The following DPP6 variants were observed in gnomAD, a reference collection of about 807,000 sequenced individuals.
The protein encoded by DPP6 is dipeptidyl peptidase like 6.
A neutral mutation model predicts 122.6 loss-of-function variants in DPP6; 69 were observed. The ratio of observed to expected loss-of-function variants is 0.56; its 90% CI spans 0.46 to 0.69. The LOEUF is 0.69. Among genes scored for constraint, DPP6 ranks in the 30% least tolerant of loss-of-function variants. The pLI, the probability that DPP6 is intolerant of heterozygous loss-of-function variation, is 0.00. For synonymous variants in DPP6, 418 were observed against 433.1 expected (o/e 0.97, Z 0.43); for missense variants, 928 against 1,116.9 (o/e 0.83, Z 2.41).
chr7:153,854,424 G>A, the DPP6 span, among the ~76,000 whole-genome samples: 13 of 151,032 alleles, frequency 8.6e-5, no homozygotes, highest in Admixed American at 2.6e-4. Context: ...AAAAGTGGGC[G>A]AAGGACATGA....
intron 1 of DPP6, among the ~76,000 whole-genome samples, chr7:154,218,346 G>A (rs969477998): frequency 6.6e-6 from 1 of 152,154 alleles, no homozygotes; most frequent in Non-Finnish European, 1.5e-5. Flanking sequence ...AAGATGTGAA[G>A]GGGCAGCTTA....
At chr7:154,430,961 T>G (rs1377297547) in intron 1 of DPP6, among the ~76,000 whole-genome samples, 2 of 152,212 alleles carry the variant, frequency 1.3e-5, no homozygotes, top group African/African-American at 4.8e-5. Flanking sequence ...AAAATGTCAC[T>G]AGGCTCCACG....
chr7:154,016,018 G>C (rs916943565), intron 1 of DPP6, among the ~76,000 whole-genome samples: 3 of 152,062 alleles, frequency 2.0e-5, no homozygotes, highest in African/African-American at 7.2e-5. Flanking sequence ...TGGCCATATC[G>C]GCCCACGTTC....
At chr7:154,651,833 C>T (rs892275663) in intron 6 of DPP6, among the ~76,000 whole-genome samples, 1 of 152,114 alleles carries the variant, frequency 6.6e-6, no homozygotes, top group Non-Finnish European at 1.5e-5. Context: ...GCGGTCTGTG[C>T]CCCCACAGCC....
chr7:153,961,563 G>A (rs1319873826), intron 1 of DPP6, among the ~76,000 whole-genome samples: 11 of 151,270 alleles, frequency 7.3e-5, no homozygotes, highest in African/African-American at 2.4e-4. Context: ...GGACCGGGGA[G>A]TGGGGTGGGG....
intron 8 of DPP6, among the ~76,000 whole-genome samples, chr7:154,759,347 A>G (rs768159216): frequency 1.3e-5 from 2 of 152,176 alleles, no homozygotes; most frequent in Non-Finnish European, 2.9e-5. Flanking sequence ...TAGGGAAGGG[A>G]GAAGGAGGGT....
chr7:153,972,535 C>T (rs1258400878), intron 1 of DPP6, among the ~76,000 whole-genome samples: 1 of 149,922 alleles, frequency 6.7e-6, no homozygotes, highest in African/African-American at 2.5e-5. Flanking sequence ...GCAATTTAGG[C>T]AGCATGCTCT....
intron 1 of DPP6, among the ~76,000 whole-genome samples, chr7:154,213,255 G>C (rs542229763): frequency 6.6e-6 from 1 of 152,186 alleles, no homozygotes; most frequent in Non-Finnish European, 1.5e-5. Context: ...GGGGAAGAGA[G>C]TTTGCAAGTA....
At chr7:154,364,792 G>T (rs1812015790) in intron 1 of DPP6, among the ~76,000 whole-genome samples, 1 of 152,136 alleles carries the variant, frequency 6.6e-6, no homozygotes, top group African/African-American at 2.4e-5. Flanking sequence ...CTTAACTTTT[G>T]CATTGGATGA....
the DPP6 span, among the ~76,000 whole-genome samples, chr7:153,770,608 C>A: frequency 2.6e-5 from 4 of 152,104 alleles, no homozygotes; most frequent in Admixed American, 2.6e-4. Context: ...AGATGTTCAG[C>A]TATCAACAAA....
At chr7:154,135,947 T>C (rs1487060683) in intron 1 of DPP6, among the ~76,000 whole-genome samples, 1 of 151,168 alleles carries the variant, frequency 6.6e-6, no homozygotes, top group African/African-American at 2.5e-5. Flanking sequence ...GCACTTCCTG[T>C]GAGCACACAC....
chr7:154,298,616 C>G (rs1328030041), intron 1 of DPP6, among the ~76,000 whole-genome samples: 1 of 152,166 alleles, frequency 6.6e-6, no homozygotes, highest in African/African-American at 2.4e-5. Flanking sequence ...AAGAAAAAAT[C>G]ATTGCATCCT....
At chr7:154,667,020 A>G (rs1015623893) in intron 6 of DPP6, among the ~76,000 whole-genome samples, 2 of 152,080 alleles carry the variant, frequency 1.3e-5, no homozygotes, top group Non-Finnish European at 2.9e-5. Flanking sequence ...TTCTTTTTCC[A>G]AGTCTCATAG....
At chr7:154,491,617 A>G (rs945192144) in intron 3 of DPP6, among the ~76,000 whole-genome samples, 16 of 152,344 alleles carry the variant, frequency 1.1e-4, no homozygotes, top group African/African-American at 3.6e-4. Flanking sequence ...TAAAAGAAGA[A>G]CAAAAGCTCC....
intron 12 of DPP6, among the ~76,000 whole-genome samples, chr7:154,798,246 C>A (rs1365840175): frequency 6.6e-6 from 1 of 152,192 alleles, no homozygotes; most frequent in Non-Finnish European, 1.5e-5. Context: ...TTCTGTCCTC[C>A]AGCGCTCACT....
the DPP6 span, among the ~76,000 whole-genome samples, chr7:153,763,310 T>G: frequency 2.7e-4 from 41 of 151,816 alleles, 1 homozygote; most frequent in South Asian, 8.1e-3. Flanking sequence ...TAAAACTGTT[T>G]TTGTTGAGCA....
intron 7 of DPP6, among the ~76,000 whole-genome samples, chr7:154,713,229 C>T (rs568432697): frequency 6.6e-6 from 1 of 152,370 alleles, no homozygotes; most frequent in South Asian, 2.1e-4. Context: ...AGGGTACAGC[C>T]TACCTCCCAG....
At chr7:154,560,883 A>T (rs975376171) in intron 4 of DPP6, among the ~76,000 whole-genome samples, 2 of 83,198 alleles carry the variant, frequency 2.4e-5, no homozygotes, top group Non-Finnish European at 4.4e-5. Context: ...ACTCCGTCTT[A>T]AAAAAAAAAA....
chr7:154,244,974 A>G (rs1375927968), intron 1 of DPP6, among the ~76,000 whole-genome samples: 2 of 132,790 alleles, frequency 1.5e-5, no homozygotes, highest in African/African-American at 5.6e-5. Context: ...TTTTTGAGTT[A>G]GGGTCTTGCT....
Sources: allele counts gnomAD v4.1 joint callset (sites outside exome capture counted in the v4.1 genomes callset), GRCh38; gene constraint gnomAD v4.1.1; transcripts MANE v1.5; gene names NCBI Gene and HGNC (gene_info 2026-07-23, HGNC 2026-07-21).